SYNPR: variants seen among roughly 807,000 people sequenced by gnomAD.
SYNPR encodes synaptoporin.
A neutral mutation model predicts 32.9 loss-of-function variants in SYNPR; 23 were observed. The observed-to-expected ratio is 0.70, with a 90% CI of 0.50 to 0.99. The LOEUF is 0.99. Among genes scored for constraint, SYNPR ranks in the 50% least tolerant of loss-of-function variants. SYNPR has a pLI of 0.00. For synonymous variants in SYNPR, 146 were observed against 135.9 expected, an observed-to-expected ratio of 1.07 and a Z score of -0.52; for missense variants, 318 against 349.3, an observed-to-expected ratio of 0.91 and a Z score of 0.71.
At chr3:63,421,921 T>C (rs1312797477) in intron 2 of SYNPR, among the ~76,000 whole-genome samples, 1 of 152,266 alleles carries the variant, frequency 6.6e-6, no homozygotes, top group East Asian at 1.9e-4. Flanking sequence ...CTTCTGTTTC[T>C]GACTTTTAGA....
At chr3:63,423,007 T>C (rs1274915428) in intron 2 of SYNPR, among the ~76,000 whole-genome samples, 2 of 152,212 alleles carry the variant, frequency 1.3e-5, no homozygotes, top group Non-Finnish European at 2.9e-5. Flanking sequence ...ATCTTAAAAA[T>C]CTAATGTCTA....
intron 3 of SYNPR, among the ~76,000 whole-genome samples, chr3:63,497,884 G>C (rs993771279): frequency 6.6e-6 from 1 of 152,128 alleles, no homozygotes; most frequent in Admixed American, 6.5e-5. Flanking sequence ...ATGTGTTTCT[G>C]TAGTTTTAAA....
chr3:63,477,983 CGTTGATCA>C, intron 2 of SYNPR, among the ~76,000 whole-genome samples: 1 of 152,138 alleles, frequency 6.6e-6, no homozygotes, highest in Non-Finnish European at 1.5e-5. Flanking sequence ...TCAGCCTGTT[CGTTGATCA>C]AAGTACATCC....
At chr3:63,352,471 T>C (rs2087523207) in intron 2 of SYNPR, among the ~76,000 whole-genome samples, 1 of 152,174 alleles carries the variant, frequency 6.6e-6, no homozygotes, top group Admixed American at 6.6e-5. Context: ...TATTTATCTG[T>C]TAAGGTTCTA....
chr3:63,594,725 A>G (rs1699903897), intron 4 of SYNPR, among the ~76,000 whole-genome samples: 1 of 152,174 alleles, frequency 6.6e-6, no homozygotes. Flanking sequence ...CATCATCATC[A>G]CCATTACCAA....
In SYNPR at chr3:63,443,379, T is replaced by G; in HGVS notation, c.85-37453T>G. On this transcript the variant is annotated intron_variant, in intron 2 of 5. Coordinates refer to ENST00000478300, the MANE Select transcript of SYNPR (RefSeq NM_001130003.2). Reference sequence around the variant, plus strand: ...TGGTGCTGTGGACAGAGAAGCTTTATTTTTAGTATGAGACAACCTCTATTT... The same window carrying G: ...TGGTGCTGTGGACAGAGAAGCTTTAGTTTTAGTATGAGACAACCTCTATTT... The G allele has an allele frequency of 1.0e-5, 16 of 1,572,452 alleles. No individual in the cohort carries two copies. In the South Asian group the frequency reaches 1.8e-4, roughly 17 times the overall value.
At chr3:63,269,132 G>T (rs17373891) in intron 3 of SYNPR, among the ~76,000 whole-genome samples, 1 of 151,998 alleles carries the variant, frequency 6.6e-6, no homozygotes, top group Non-Finnish European at 1.5e-5. Context: ...ACAAATGCTT[G>T]ACCATGGAAA....
intron 1 of SYNPR, among the ~76,000 whole-genome samples, chr3:63,250,012 A>G (rs934302009): frequency 3.9e-5 from 6 of 152,158 alleles, no homozygotes; most frequent in Non-Finnish European, 8.8e-5. Flanking sequence ...TGGATTAAAA[A>G]TTCCCTGGCC....
intron 4 of SYNPR, among the ~76,000 whole-genome samples, chr3:63,558,553 G>T (rs1451783951): frequency 2.0e-5 from 3 of 151,968 alleles, no homozygotes; most frequent in Admixed American, 1.3e-4. Context: ...CAGAGACAGG[G>T]TCTCAAACTT....
At chr3:63,344,090 G>A (rs2087406356) in intron 2 of SYNPR, among the ~76,000 whole-genome samples, 1 of 152,206 alleles carries the variant, frequency 6.6e-6, no homozygotes, top group Non-Finnish European at 1.5e-5. Flanking sequence ...TGGGAAGAAT[G>A]TTCTTTCACA....
At chr3:63,418,633 G>A (rs1232472428) in intron 2 of SYNPR, among the ~76,000 whole-genome samples, 1 of 152,228 alleles carries the variant, frequency 6.6e-6, no homozygotes, top group Admixed American at 6.5e-5. Context: ...AACTATGGTG[G>A]AAAACAAAGA....
At chr3:63,480,683 C>T in intron 2 of SYNPR, 149 bp from the exon 3 acceptor site, 1 of 1,036,450 alleles carries the variant, frequency 9.6e-7, no homozygotes, top group Admixed American at 2.4e-5. Context: ...TCCATTCTAC[C>T]TTCATCTTCC....
At chr3:63,497,375 G>A (rs1372191252) in intron 3 of SYNPR, among the ~76,000 whole-genome samples, 1 of 152,134 alleles carries the variant, frequency 6.6e-6, no homozygotes, top group African/African-American at 2.4e-5. Flanking sequence ...TGGTGAAAGA[G>A]TTTGTCTTCA....
chr3:63,285,292 T>C (rs1403215613), intron 2 of SYNPR, among the ~76,000 whole-genome samples: 1 of 152,240 alleles, frequency 6.6e-6, no homozygotes, highest in East Asian at 1.9e-4. Flanking sequence ...TAAAAACCAG[T>C]ACTTTTCATT....
chr3:63,416,159 T>A (rs994499813), intron 2 of SYNPR, among the ~76,000 whole-genome samples: 1 of 152,214 alleles, frequency 6.6e-6, no homozygotes, highest in African/African-American at 2.4e-5. Flanking sequence ...AGGCTGGCAT[T>A]TTATTGTATT....
chr3:63,225,584 G>A (rs1293285304), upstream of SYNPR, among the ~76,000 whole-genome samples: 1 of 152,116 alleles, frequency 6.6e-6, no homozygotes, highest in Non-Finnish European at 1.5e-5. Flanking sequence ...GGAGCAGAAG[G>A]GAAGGGAAGG....
chr3:63,254,175 G>T (rs893318013), intron 2 of SYNPR, among the ~76,000 whole-genome samples: 4 of 152,124 alleles, frequency 2.6e-5, no homozygotes, highest in African/African-American at 9.7e-5. Flanking sequence ...TTGTGGGGTG[G>T]GGGGAGAGGG....
rs546463526 is a variant in SYNPR at position 63,488,160 on chromosome 3, C to A, written c.209+7204C>A. Among the ~76,000 whole-genome samples, 6 of 152,208 alleles carry A rather than the reference C, an allele frequency of 3.9e-5. 1 individual carries two copies. The South Asian group carries it at 1.0e-3, about 26-fold the overall frequency. On this transcript the variant is annotated intron_variant, in intron 3 of 5. Transcript: ENST00000478300. ...ATTTTTTCGGTTTTTACCATAATAG[C>A]CAATTTGGGGAAAATAAAAGTGTGA...
chr3:63,583,622 TAATAA>T (rs1703130964), intron 4 of SYNPR, among the ~76,000 whole-genome samples: 1 of 152,078 alleles, frequency 6.6e-6, no homozygotes, highest in African/African-American at 2.4e-5. Context: ...GGAACTGCCC[TAATAA>T]AATAAGTTCT....
Sources: gnomAD v4.1 joint callset for allele counts (sites outside exome capture counted in the v4.1 genomes callset) on GRCh38, gnomAD v4.1.1 for gene constraint, MANE v1.5 for transcripts, NCBI Gene and HGNC (gene_info 2026-07-23, HGNC 2026-07-21) for gene names.